The following TRHDE variants were observed in gnomAD, a reference collection of about 807,000 sequenced individuals.
TRHDE encodes thyrotropin-releasing hormone-degrading ectoenzyme.
Under a neutral mutation model 125.7 loss-of-function variants are expected in TRHDE, and 72 were observed. That is an observed-to-expected ratio of 0.57 (90% confidence interval 0.47 to 0.70). The LOEUF (loss-of-function observed/expected upper bound fraction) is 0.70. Among genes scored for constraint, TRHDE ranks in the 30% least tolerant of loss-of-function variants. TRHDE has a pLI of 0.00. For missense variants in TRHDE, 1,110 were observed against 1,327.1 expected, an observed-to-expected ratio of 0.84 and a Z score of 2.54; for synonymous variants, 509 against 509.1, an observed-to-expected ratio of 1.00 and a Z score of 0.00.
intron 3 of TRHDE, among the ~76,000 whole-genome samples, chr12:72,380,698 GCTTCCTTCCTTC>G (rs199912564): frequency 7.6e-6 from 1 of 131,966 alleles, no homozygotes; most frequent in African/African-American, 3.4e-5. Flanking sequence ...GCAGGCTGCA[GCTTCCTTCCTTC>G]CTTCCTTCCT....
chr12:72,516,136 T>C (rs1332814679), intron 6 of TRHDE, among the ~76,000 whole-genome samples: 2 of 151,590 alleles, frequency 1.3e-5, no homozygotes, highest in Non-Finnish European at 2.9e-5. Context: ...GGCTCTTTTT[T>C]GGTTCCATAT....
chr12:72,284,455 A>G (rs1203358182), intron 1 of TRHDE, among the ~76,000 whole-genome samples: 1 of 152,190 alleles, frequency 6.6e-6, no homozygotes, highest in Non-Finnish European at 1.5e-5. Context: ...TGTAAGATAA[A>G]AGCATATGAA....
intron 5 of TRHDE, among the ~76,000 whole-genome samples, chr12:72,493,025 T>C (rs1217955957): frequency 2.6e-5 from 4 of 151,898 alleles, no homozygotes; most frequent in African/African-American, 9.7e-5. Flanking sequence ...AAAGGCAGAA[T>C]TGTGTCTCAA....
At chr12:72,390,982 A>G (rs1872592619) in intron 3 of TRHDE, among the ~76,000 whole-genome samples, 2 of 152,152 alleles carry the variant, frequency 1.3e-5, no homozygotes, top group African/African-American at 4.8e-5. Flanking sequence ...ATAAAATTCA[A>G]CTTGGATGAT....
At chr12:72,211,357 A>AAGT (rs1877777075) in intron 2 of TRHDE, among the ~76,000 whole-genome samples, 1 of 152,214 alleles carries the variant, frequency 6.6e-6, no homozygotes, top group Non-Finnish European at 1.5e-5. Flanking sequence ...ACTGTGCAAA[A>AAGT]AGTAACCATG....
At chr12:72,589,977 T>C (rs1462200577) in intron 12 of TRHDE, among the ~76,000 whole-genome samples, 1 of 152,010 alleles carries the variant, frequency 6.6e-6, no homozygotes, top group Non-Finnish European at 1.5e-5. Context: ...AGTCTTAGAT[T>C]GCTGATTGAG....
chr12:72,574,351 T>C (rs1302658323), intron 10 of TRHDE, among the ~76,000 whole-genome samples: 4 of 151,554 alleles, frequency 2.6e-5, no homozygotes, highest in Non-Finnish European at 5.9e-5. Flanking sequence ...GTGGTTTTGA[T>C]TTTTTTTCAC....
intron 12 of TRHDE, among the ~76,000 whole-genome samples, chr12:72,596,472 A>G (rs2136053605): frequency 6.6e-6 from 1 of 152,312 alleles, no homozygotes; most frequent in Admixed American, 6.5e-5. Context: ...AGAATTTTGA[A>G]AGCTATTGTA....
chr12:72,603,531 C>A (rs1397500589), intron 12 of TRHDE, among the ~76,000 whole-genome samples: 2 of 152,062 alleles, frequency 1.3e-5, no homozygotes, highest in Non-Finnish European at 2.9e-5. Flanking sequence ...CGAGACCATC[C>A]TGGCTAACAT....
intron 2 of TRHDE, chr12:72,253,692 C>T (rs560683510): frequency 6.6e-6 from 1 of 152,242 alleles, no homozygotes; most frequent in South Asian, 2.1e-4. Context: ...TAAAGACACT[C>T]TTCATTAAGT....
intron 3 of TRHDE, among the ~76,000 whole-genome samples, chr12:72,430,453 A>G (rs1043203601): frequency 1.1e-4 from 17 of 148,852 alleles, no homozygotes; most frequent in African/African-American, 4.2e-4. Flanking sequence ...ACGTATATAT[A>G]TGTGTATATA....
At chr12:72,543,154 G>T (rs1160364852) in intron 7 of TRHDE, among the ~76,000 whole-genome samples, 1 of 151,264 alleles carries the variant, frequency 6.6e-6, no homozygotes, top group African/African-American at 2.4e-5. Flanking sequence ...TCTGTTCTTA[G>T]TAAGCTTTTC....
chr12:72,178,828 G>A (rs1477463550), intron 2 of TRHDE, among the ~76,000 whole-genome samples: 1 of 152,030 alleles, frequency 6.6e-6, no homozygotes, highest in Non-Finnish European at 1.5e-5. Context: ...TCTGAACTGT[G>A]AAAGCAAATA....
chr12:72,448,073 T>C (rs1397413696), intron 3 of TRHDE, among the ~76,000 whole-genome samples: 2 of 152,094 alleles, frequency 1.3e-5, no homozygotes, highest in African/African-American at 2.4e-5. Context: ...TCTTTACAAG[T>C]GTATTTGTTG....
chr12:72,556,110 T>G (rs1869908589), intron 7 of TRHDE, among the ~76,000 whole-genome samples: 1 of 152,198 alleles, frequency 6.6e-6, no homozygotes, highest in South Asian at 2.1e-4. Context: ...TATCTACTGT[T>G]CATAAGAACA....
intron 3 of TRHDE, among the ~76,000 whole-genome samples, chr12:72,445,314 A>G (rs904742218): frequency 6.6e-6 from 1 of 151,780 alleles, no homozygotes; most frequent in Non-Finnish European, 1.5e-5. Flanking sequence ...TAATACTACT[A>G]TTTTTCTTCC....
intron 15 of TRHDE, among the ~76,000 whole-genome samples, chr12:72,650,493 T>A (rs1016307014): frequency 6.6e-6 from 1 of 152,046 alleles, no homozygotes; most frequent in Non-Finnish European, 1.5e-5. Context: ...TGCCTTTTCT[T>A]CTTGAACATT....
In TRHDE at chr12:72,613,038, A is replaced by G. The variant is rs191263092; in HGVS notation, c.2322-5853A>G. Among the ~76,000 whole-genome samples, 103 of 152,274 alleles carry G rather than the reference A, an allele frequency of 6.8e-4. No individual in the cohort carries two copies. In the East Asian group the frequency reaches 0.019, roughly 27 times the overall value. ...ATGTTTCCTGGATGTCTTATTTTTA[A>G]TTTTTAAATGTTTACTGAAGAAGGA... is the stretch of plus-strand genomic sequence containing the variant. On this transcript the variant is annotated intron_variant, in intron 12 of 18. Coordinates refer to ENST00000261180, the MANE Select transcript of TRHDE (RefSeq NM_013381.3).
intron 3 of TRHDE, among the ~76,000 whole-genome samples, chr12:72,416,862 C>T (rs1264456949): frequency 6.6e-6 from 1 of 151,980 alleles, no homozygotes; most frequent in East Asian, 1.9e-4. Flanking sequence ...TATTCTGTGC[C>T]TTTTGTGGTT....
Sources: gnomAD v4.1 joint callset for allele counts (sites outside exome capture counted in the v4.1 genomes callset) on GRCh38, gnomAD v4.1.1 for gene constraint, MANE v1.5 for transcripts, NCBI Gene and HGNC (gene_info 2026-07-23, HGNC 2026-07-21) for gene names.